BLTP2: variants seen among roughly 807,000 people sequenced by gnomAD.
BLTP2 encodes the protein bridge-like lipid transfer protein family member 2.
chr17:28,638,892 A>G, the BLTP2 span, among the ~76,000 whole-genome samples: 5 of 152,256 alleles, frequency 3.3e-5, no homozygotes, highest in African/African-American at 1.2e-4. Context: ...GGCCAAATAC[A>G]ATGAACACCA....
At chr17:28,625,113 A>G in the BLTP2 span, among the ~76,000 whole-genome samples, 1 of 152,054 alleles carries the variant, frequency 6.6e-6, no homozygotes, top group Admixed American at 6.6e-5. Flanking sequence ...TGAAGTGGGC[A>G]GATCACGAGG....
chr17:28,618,303 G>A, the BLTP2 span, among the ~76,000 whole-genome samples: 1 of 151,896 alleles, frequency 6.6e-6, no homozygotes, highest in African/African-American at 2.4e-5. Context: ...CCAGGCTGGA[G>A]TGCAGTGGTG....
At chr17:28,624,156 T>A in the BLTP2 span, 1 of 1,511,780 alleles carries the variant, frequency 6.6e-7, no homozygotes, top group Non-Finnish European at 9.0e-7. Context: ...CACCCATTCA[T>A]ATTTAGAGGT....
the BLTP2 span, chr17:28,645,009 A>C: frequency 6.3e-7 from 1 of 1,595,006 alleles, no homozygotes. Context: ...AGAGGGCGCT[A>C]AGCGCAACTA....
At chr17:28,635,524 C>T in the BLTP2 span, 1 of 1,614,106 alleles carries the variant, frequency 6.2e-7, no homozygotes, top group Non-Finnish European at 8.5e-7. Flanking sequence ...TAGGTCTCGG[C>T]ACTGTAGAGT....
chr17:28,634,818 C>T, the BLTP2 span: 1 of 1,613,804 alleles, frequency 6.2e-7, no homozygotes, highest in South Asian at 1.1e-5. Flanking sequence ...GCAACAACTC[C>T]CCATGCTGCT....
the BLTP2 span, chr17:28,642,595 G>A: frequency 1.8e-6 from 1 of 563,884 alleles, no homozygotes; most frequent in Non-Finnish European, 3.2e-6. Context: ...AGCTTGCAGT[G>A]AGCCAAGACC....
At chr17:28,637,898 A>G in the BLTP2 span, 1 of 1,614,164 alleles carries the variant, frequency 6.2e-7, no homozygotes, top group African/African-American at 1.3e-5. Flanking sequence ...CTTCCACAGT[A>G]ATGACACAGA....
At chr17:28,626,463 C>T in the BLTP2 span, among the ~76,000 whole-genome samples, 1 of 152,160 alleles carries the variant, frequency 6.6e-6, no homozygotes, top group East Asian at 1.9e-4. Context: ...TTTTTGTGTG[C>T]TGAGTTGACT....
chr17:28,642,125 G>C, the BLTP2 span: 1 of 1,599,924 alleles, frequency 6.3e-7, no homozygotes, highest in Admixed American at 1.7e-5. Flanking sequence ...AAGTTTGGAA[G>C]TTTTAGGTCA....
chr17:28,635,609 C>T, the BLTP2 span: 1 of 1,604,624 alleles, frequency 6.2e-7, no homozygotes, highest in Non-Finnish European at 8.5e-7. Flanking sequence ...CCACACTGAA[C>T]CTTTAGGGAG....
the BLTP2 span, chr17:28,619,754 T>A: frequency 6.2e-7 from 1 of 1,613,980 alleles, no homozygotes; most frequent in Non-Finnish European, 8.5e-7. Context: ...AGATTCTCAT[T>A]CTTGCTGTCA....
At chr17:28,621,058 T>G in the BLTP2 span, 1 of 1,614,204 alleles carries the variant, frequency 6.2e-7, no homozygotes, top group Non-Finnish European at 8.5e-7. Context: ...TCTGAGTTGC[T>G]AGTTCAGGAT....
At chr17:28,642,594 T>C in the BLTP2 span, 4 of 563,204 alleles carry the variant, frequency 7.1e-6, no homozygotes, top group Admixed American at 3.0e-5. Flanking sequence ...GAGCTTGCAG[T>C]GAGCCAAGAC....
At chr17:28,631,492 C>T in the BLTP2 span, 18 of 1,613,854 alleles carry the variant, frequency 1.1e-5, no homozygotes, top group Admixed American at 1.5e-4. Context: ...CTCAGCTGTG[C>T]GATTGCTATG....
At chr17:28,621,266 C>G in the BLTP2 span, 6 of 1,465,638 alleles carry the variant, frequency 4.1e-6, no homozygotes, top group Non-Finnish European at 5.7e-6. Context: ...AGAAACACTG[C>G]TTTCAACCCA....
chr17:28,633,498 GACCTCA>G, the BLTP2 span: 9 of 1,596,058 alleles, frequency 5.6e-6, no homozygotes, highest in Non-Finnish European at 7.7e-6. Flanking sequence ...GTGCTATACA[GACCTCA>G]ACCATACCAT....
chr17:28,620,514 G>A, the BLTP2 span: 1 of 1,614,132 alleles, frequency 6.2e-7, no homozygotes, highest in Non-Finnish European at 8.5e-7. Context: ...CTCACCTTCC[G>A]CTTAGGTTCT....
the BLTP2 span, chr17:28,621,278 C>T: frequency 6.9e-7 from 1 of 1,450,548 alleles, no homozygotes. Flanking sequence ...TTCAACCCAG[C>T]CTAGCACAAA....
Sources: gnomAD v4.1 joint callset for allele counts (sites outside exome capture counted in the v4.1 genomes callset) on GRCh38, gnomAD v4.1.1 for gene constraint, MANE v1.5 for transcripts, NCBI Gene and HGNC (gene_info 2026-07-23, HGNC 2026-07-21) for gene names.